Variants in DOCK3 observed in about 807,000 individuals in gnomAD.
DOCK3 encodes the protein dedicator of cytokinesis 3.
DOCK3 carries 60 observed loss-of-function variants against 265.6 expected under a neutral mutation model. The observed-to-expected ratio is 0.23, with a 90% confidence interval of 0.18 to 0.28. The LOEUF (loss-of-function observed/expected upper bound fraction) is 0.28, where lower values mean the gene tolerates loss of function less well. Ranked by LOEUF, DOCK3 falls within the 10% of genes least tolerant of loss-of-function variation. The probability of loss-of-function intolerance (pLI) is 1.00; values close to 1 mark genes in which losing one functional copy is unlikely to be tolerated. For synonymous variants in DOCK3, 881 were observed against 938.0 expected, an observed-to-expected ratio of 0.94 and a Z score of 1.11; for missense variants, 1,981 against 2,594.3, an observed-to-expected ratio of 0.76 and a Z score of 5.14.
At chr3:50,736,432 G>A (rs1020502524) in intron 1 of DOCK3, among the ~76,000 whole-genome samples, 1 of 152,116 alleles carries the variant, frequency 6.6e-6, no homozygotes, top group Non-Finnish European at 1.5e-5. Context: ...GGGATGGCTG[G>A]GTCAAATGGT....
intron 29 of DOCK3, among the ~76,000 whole-genome samples, 165 bp from the exon 30 acceptor site, chr3:51,312,311 G>A (rs1454924491): frequency 1.3e-5 from 2 of 151,884 alleles, no homozygotes; most frequent in Non-Finnish European, 2.9e-5. Flanking sequence ...GGAGTTAAGG[G>A]GGAAAAAAAG....
intron 1 of DOCK3, among the ~76,000 whole-genome samples, chr3:50,715,156 T>A (rs570584033): frequency 6.6e-6 from 1 of 152,252 alleles, no homozygotes; most frequent in Non-Finnish European, 1.5e-5. Context: ...TCAGTGCATA[T>A]GTACTGAATG....
chr3:51,094,688 T>C (rs1560053399), intron 9 of DOCK3, among the ~76,000 whole-genome samples: 1 of 151,432 alleles, frequency 6.6e-6, no homozygotes, highest in Non-Finnish European at 1.5e-5. Context: ...ATCTTAGTTA[T>C]TTCTTGTCTT....
At chr3:51,284,119 C>T (rs902269301) in intron 27 of DOCK3, among the ~76,000 whole-genome samples, 31 of 152,190 alleles carry the variant, frequency 2.0e-4, no homozygotes, top group African/African-American at 6.7e-4. Flanking sequence ...TTAATCCCTC[C>T]TGGAAAGAAT....
At chr3:51,264,513 A>T (rs2080047859) in intron 23 of DOCK3, among the ~76,000 whole-genome samples, 1 of 152,038 alleles carries the variant, frequency 6.6e-6, no homozygotes, top group African/African-American at 2.4e-5. Flanking sequence ...AGAGCATACA[A>T]ATTCAAAAGC....
At chr3:51,005,731 G>A (rs10865962) in intron 5 of DOCK3, among the ~76,000 whole-genome samples, 127,838 of 152,082 alleles carry the variant, frequency 0.84, 54,175 homozygotes, top group East Asian at 0.95. Flanking sequence ...CCTCATATAA[G>A]CCATCATCAT....
At chr3:50,873,191 GTAAT>G (rs2047519097) in intron 3 of DOCK3, among the ~76,000 whole-genome samples, 1 of 152,176 alleles carries the variant, frequency 6.6e-6, no homozygotes, top group African/African-American at 2.4e-5. Context: ...GACCCTTGAT[GTAAT>G]ACCTGGGTAT....
intron 5 of DOCK3, among the ~76,000 whole-genome samples, chr3:51,060,296 G>T (rs2081367131): frequency 6.6e-6 from 1 of 151,970 alleles, no homozygotes; most frequent in East Asian, 1.9e-4. Context: ...CTTTGACAAA[G>T]TCCTCCTTAA....
intron 1 of DOCK3, among the ~76,000 whole-genome samples, chr3:50,758,177 C>CAAAAAAA (rs771690340): frequency 8.4e-5 from 2 of 23,826 alleles, no homozygotes; most frequent in Admixed American, 6.5e-4. Flanking sequence ...GACTCTGTCT[C>CAAAAAAA]AAAAAAAAAA....
intron 1 of DOCK3, among the ~76,000 whole-genome samples, chr3:50,769,543 G>T (rs974712171): frequency 6.6e-6 from 1 of 152,064 alleles, no homozygotes; most frequent in African/African-American, 2.4e-5. Context: ...GAGCATGGTG[G>T]TTCACACCTG....
intron 22 of DOCK3, among the ~76,000 whole-genome samples, chr3:51,247,634 T>C (rs925299704): frequency 2.6e-5 from 4 of 152,218 alleles, no homozygotes; most frequent in Non-Finnish European, 5.9e-5. Context: ...AATCAAATCA[T>C]AGATTTGCAT....
chr3:50,971,069 A>G (rs189403872), intron 5 of DOCK3, among the ~76,000 whole-genome samples: 1 of 143,776 alleles, frequency 7.0e-6, no homozygotes, highest in Admixed American at 7.1e-5. Context: ...GCCTCAAGTG[A>G]TCCTCTGGCT....
chr3:51,379,618 T>C (rs2088452170), intron 51 of DOCK3: 7 of 985,344 alleles, frequency 7.1e-6, no homozygotes, highest in Non-Finnish European at 8.4e-6. Context: ...GGTCTCAGAC[T>C]CTGCTCAAGG....
chr3:50,750,028 G>A (rs2108298324), intron 1 of DOCK3, among the ~76,000 whole-genome samples: 1 of 152,288 alleles, frequency 6.6e-6, no homozygotes, highest in Non-Finnish European at 1.5e-5. Flanking sequence ...GAGGTGAGCA[G>A]TGAGCAAGCC....
At chr3:51,277,932 C>T in intron 26 of DOCK3, 178 bp downstream of exon 26, 1 of 985,336 alleles carries the variant, frequency 1.0e-6, no homozygotes, top group Non-Finnish European at 1.2e-6. Flanking sequence ...TCTGAAAGCT[C>T]TAGGTTCACA....
chr3:51,066,398 T>C (rs1198523455), intron 6 of DOCK3, among the ~76,000 whole-genome samples: 1 of 152,026 alleles, frequency 6.6e-6, no homozygotes, highest in Non-Finnish European at 1.5e-5. Flanking sequence ...TATTTAAGGG[T>C]TTTAGACAGA....
At chr3:51,111,257 C>T (rs1223176499) in intron 9 of DOCK3, among the ~76,000 whole-genome samples, 1 of 151,832 alleles carries the variant, frequency 6.6e-6, no homozygotes, top group Non-Finnish European at 1.5e-5. Flanking sequence ...CAAGGCAATC[C>T]TAAGCAAAAT....
chr3:50,902,512 A>G (rs75945821), intron 4 of DOCK3, among the ~76,000 whole-genome samples: 14,357 of 152,030 alleles, frequency 0.094, 843 homozygotes, highest in Non-Finnish European at 0.12. Flanking sequence ...TTATTTTTGA[A>G]TTCTCTGTTC....
At chr3:51,330,296 C>T (rs1478580394) in intron 33 of DOCK3, 73 bp downstream of exon 33, 4 of 1,439,986 alleles carry the variant, frequency 2.8e-6, no homozygotes, top group Admixed American at 2.0e-5. Context: ...GTAGAGGTTG[C>T]AACTGCACTG....
Sources: allele counts gnomAD v4.1 joint callset (sites outside exome capture counted in the v4.1 genomes callset), GRCh38; gene constraint gnomAD v4.1.1; transcripts MANE v1.5; gene names NCBI Gene and HGNC (gene_info 2026-07-23, HGNC 2026-07-21).